RHEB: variants seen among roughly 807,000 people sequenced by gnomAD.
RHEB encodes the protein Ras homolog, mTORC1 binding, also known as GTP-binding protein Rheb.
Under a neutral mutation model 28.8 loss-of-function variants are expected in RHEB, and 2 were observed. The ratio of observed to expected loss-of-function variants is 0.07; its 90% CI spans 0.03 to 0.22. The LOEUF (loss-of-function observed/expected upper bound fraction) is 0.22. Ranked by LOEUF, RHEB falls within the 10% of genes least tolerant of loss-of-function variation. The pLI is 1.00. For synonymous variants in RHEB, 69 were observed against 77.3 expected (o/e 0.89, Z 0.56); for missense variants, 76 against 219.9 (o/e 0.35, Z 4.14).
chr7:151,507,255 C>T (rs543653738), intron 1 of RHEB, among the ~76,000 whole-genome samples: 2 of 152,266 alleles, frequency 1.3e-5, no homozygotes, highest in South Asian at 2.1e-4. Context: ...ACACACAATG[C>T]CAATCATATG....
chr7:151,517,060 A>G (rs1191931693), intron 1 of RHEB, among the ~76,000 whole-genome samples: 3 of 152,168 alleles, frequency 2.0e-5, no homozygotes, highest in Admixed American at 1.3e-4. Flanking sequence ...CCTGGCTCAT[A>G]ATACACTTTA....
At position 151,467,073 on chromosome 7, in the gene RHEB, C is replaced by A; in HGVS notation, c.*46G>T. On this transcript the variant is annotated 3_prime_UTR_variant, in exon 8 of 8. Transcript: ENST00000262187. ...TTCAAGGAGAACGGGCAGTTTGCTT[C>A]TTCAGGTAGAATATATTCCCAGTGT... 7.2e-7 allele frequency: 1 copy of A among 1,396,144 alleles called. No individual in the cohort carries two copies. Among genetic ancestry groups the A allele is most frequent in the Non-Finnish European group, 1.0e-6 (1 of 982,054 alleles). The allele number at this position is 1,396,144 out of a possible 1,614,324, so 86.5% of individuals were successfully genotyped here. A position where few individuals can be genotyped will look rare whatever the true frequency, so the allele number is the denominator to read the frequency against.
intron 4 of RHEB, among the ~76,000 whole-genome samples, chr7:151,474,630 A>T (rs1275833161): frequency 6.6e-6 from 1 of 152,134 alleles, no homozygotes; most frequent in African/African-American, 2.4e-5. Flanking sequence ...CCCAAATCTC[A>T]CATCTCTCAA....
chr7:151,511,112 C>T (rs1802979900), intron 1 of RHEB, among the ~76,000 whole-genome samples: 1 of 151,908 alleles, frequency 6.6e-6, no homozygotes, highest in Admixed American at 6.6e-5. Flanking sequence ...ATAAAGCTAG[C>T]AAAATAGGCA....
At chr7:151,501,992 C>CT (rs1802780524) in intron 1 of RHEB, 1 of 563,816 alleles carries the variant, frequency 1.8e-6, no homozygotes. Context: ...AATCCCAGCA[C>CT]TTTGAGGCCG....
At chr7:151,485,870 G>T (rs1802464981) in intron 2 of RHEB, among the ~76,000 whole-genome samples, 1 of 152,166 alleles carries the variant, frequency 6.6e-6, no homozygotes, top group South Asian at 2.1e-4. Context: ...CAAAAGTCAG[G>T]TGAGTAAAGA....
Position 151,468,773 on chromosome 7 carries a change from CCCCAGGT to C in RHEB, c.463-1569_463-1563del, listed in dbSNP as rs1409520433. On this transcript the variant is annotated intron_variant, in intron 7 of 7. Transcript: ENST00000262187. This position sits in a 1 kb window ranked among gnomAD's most constrained non-coding sequence, Gnocchi z 4.3. ...TGTCCTCCTAGTTAACTGAAGCCAACCCCAGGTCCCACCCCGCTTGTCTAATCTAGGT... is the reference window on the plus strand; with the variant it reads ...TGTCCTCCTAGTTAACTGAAGCCAACCCCACCCCGCTTGTCTAATCTAGGT... 2.6e-5 allele frequency among the ~76,000 whole-genome samples: 4 copies of C among 152,192 alleles called. No individual in the cohort carries two copies. In the South Asian group the frequency reaches 8.3e-4, roughly 32 times the overall value.
chr7:151,495,767 G>A (rs1219822105), intron 1 of RHEB, among the ~76,000 whole-genome samples: 3 of 152,116 alleles, frequency 2.0e-5, no homozygotes, highest in South Asian at 2.1e-4. Flanking sequence ...CCTGGACAAC[G>A]TGATAAAACC....
At chr7:151,498,141 C>T in intron 1 of RHEB, 1 of 1,289,764 alleles carries the variant, frequency 7.8e-7, no homozygotes, top group Non-Finnish European at 1.0e-6. Flanking sequence ...AGAACTATAA[C>T]ACCACTCACA....
chr7:151,518,274 G>A (rs970072232), intron 1 of RHEB, among the ~76,000 whole-genome samples: 1 of 152,158 alleles, frequency 6.6e-6, no homozygotes, highest in Non-Finnish European at 1.5e-5. Flanking sequence ...GCTGATCTTG[G>A]TCAAAGAGCA....
intron 1 of RHEB, among the ~76,000 whole-genome samples, chr7:151,499,336 A>G (rs923929761): frequency 3.3e-5 from 5 of 152,190 alleles, no homozygotes; most frequent in Non-Finnish European, 7.3e-5. Context: ...CCAGCCTGGG[A>G]TACAAGAGTG....
intron 3 of RHEB, among the ~76,000 whole-genome samples, chr7:151,479,576 A>G (rs767626125): frequency 1.2e-4 from 18 of 151,044 alleles, no homozygotes; most frequent in South Asian, 2.1e-4. Context: ...CCAGCTACTC[A>G]GGAGGCTGAG....
intron 1 of RHEB, among the ~76,000 whole-genome samples, chr7:151,493,908 CTG>C (rs1333933205): frequency 4.6e-5 from 7 of 151,738 alleles, no homozygotes; most frequent in Non-Finnish European, 7.4e-5. Context: ...AAAAAACAAA[CTG>C]TTATTTACAC....
chr7:151,496,452 A>G (rs1405625693), intron 1 of RHEB, among the ~76,000 whole-genome samples: 1 of 151,924 alleles, frequency 6.6e-6, no homozygotes, highest in Non-Finnish European at 1.5e-5. Context: ...CAATATACTG[A>G]GCCATGACCC....
chr7:151,476,452 TG>T (rs905879784), intron 4 of RHEB, among the ~76,000 whole-genome samples: 2 of 152,224 alleles, frequency 1.3e-5, no homozygotes, highest in African/African-American at 4.8e-5. Context: ...GCCTTGACTG[TG>T]GAACTGGAGA....
Position 151,468,686 on chromosome 7 carries a change from C to T in RHEB, c.463-1475G>A, listed in dbSNP as rs904684121. ...ACATCCTCCATCCACCAAGCTGACC[C>T]ACCCACTTGAATGTGGGCTCCCATC... On this transcript the variant is annotated intron_variant, in intron 7 of 7. Transcript: ENST00000262187. The surrounding 1 kb of genome is among the most constrained non-coding windows in gnomAD (Gnocchi z 4.3). Among the ~76,000 whole-genome samples, 2 of 152,228 alleles carry T rather than the reference C, an allele frequency of 1.3e-5. No homozygotes were observed. The highest frequency in any genetic ancestry group is 2.9e-5 in the Non-Finnish European group (2 of 68,042).
chr7:151,498,738 C>T (rs998122154), intron 1 of RHEB, among the ~76,000 whole-genome samples: 2 of 152,180 alleles, frequency 1.3e-5, no homozygotes, highest in African/African-American at 2.4e-5. Context: ...CCCTCCAGCT[C>T]GGTTACACAT....
In RHEB at chr7:151,468,516, T is replaced by C. The variant is rs1584844318; in HGVS notation, c.463-1305A>G. On this transcript the variant is annotated intron_variant, in intron 7 of 7. Coordinates refer to ENST00000262187, the MANE Select transcript of RHEB (RefSeq NM_005614.4). The surrounding 1 kb of genome is among the most constrained non-coding windows in gnomAD (Gnocchi z 4.3). ...ACTTGGTGCTGCCTAGCCACCCGCCTGCATCCCTGGATCTGGGCACTCCCC... is the reference window on the plus strand; with the variant it reads ...ACTTGGTGCTGCCTAGCCACCCGCCCGCATCCCTGGATCTGGGCACTCCCC... Among the ~76,000 whole-genome samples the C allele has an allele frequency of 6.6e-6, 1 of 152,232 alleles. No homozygotes were observed. The highest frequency in any genetic ancestry group is 1.5e-5 in the Non-Finnish European group (1 of 68,026).
chr7:151,492,003 C>T (rs531913835), intron 1 of RHEB, among the ~76,000 whole-genome samples: 23 of 152,278 alleles, frequency 1.5e-4, no homozygotes, highest in African/African-American at 5.5e-4. Context: ...GAAGAAATCG[C>T]ATGAGATGCA....
Sources: allele counts gnomAD v4.1 joint callset (sites outside exome capture counted in the v4.1 genomes callset), GRCh38; gene constraint gnomAD v4.1.1; non-coding constraint Gnocchi (gnomAD v3.1); transcripts MANE v1.5; gene names NCBI Gene and HGNC (gene_info 2026-07-23, HGNC 2026-07-21).